Variants in CACNA1C observed in about 807,000 individuals in gnomAD.
The protein encoded by CACNA1C is calcium voltage-gated channel subunit alpha1 C.
A neutral mutation model predicts 229.0 loss-of-function variants in CACNA1C; 30 were observed. The ratio of observed to expected loss-of-function variants is 0.13; its 90% CI spans 0.10 to 0.18. CACNA1C has a LOEUF of 0.18. Among genes scored for constraint, CACNA1C ranks in the 10% least tolerant of loss-of-function variants. The pLI is 1.00. For missense variants in CACNA1C, 1,658 were observed against 2,845.0 expected, an observed-to-expected ratio of 0.58 and a Z score of 9.49; for synonymous variants, 1,114 against 1,132.5, an observed-to-expected ratio of 0.98 and a Z score of 0.33.
chr12:2,269,934 A>G (rs11614796), intron 3 of CACNA1C: 8,600 of 152,214 alleles, frequency 0.056, 304 homozygotes, highest in African/African-American at 0.091. Flanking sequence ...CAGGACCAAG[A>G]CACCAAGGTA....
At chr12:2,335,656 G>A (rs2096669720) in intron 3 of CACNA1C, among the ~76,000 whole-genome samples, 1 of 152,114 alleles carries the variant, frequency 6.6e-6, no homozygotes, top group Admixed American at 6.5e-5. Flanking sequence ...CAGAAACACT[G>A]GGTGAGGGAC....
chr12:2,229,706 G>A (rs1456051202), intron 3 of CACNA1C, among the ~76,000 whole-genome samples: 1 of 152,182 alleles, frequency 6.6e-6, no homozygotes, highest in African/African-American at 2.4e-5. Context: ...TGACATTCGA[G>A]AGGAACGCAT....
intron 3 of CACNA1C, among the ~76,000 whole-genome samples, chr12:2,387,563 A>G (rs2154547655): frequency 6.6e-6 from 1 of 152,298 alleles, no homozygotes; most frequent in Admixed American, 6.5e-5. Flanking sequence ...GAAAGAAAGC[A>G]ATGACTAATA....
chr12:2,433,881 G>A (rs535018765), intron 3 of CACNA1C, among the ~76,000 whole-genome samples: 1 of 152,250 alleles, frequency 6.6e-6, no homozygotes, highest in East Asian at 1.9e-4. Flanking sequence ...GAGACAATTT[G>A]GGGCAGTACA....
chr12:2,186,006 C>T (rs747336018), intron 3 of CACNA1C, among the ~76,000 whole-genome samples: 20 of 152,274 alleles, frequency 1.3e-4, no homozygotes, highest in Non-Finnish European at 2.5e-4. Flanking sequence ...GTTTCCTGGC[C>T]GCTCTCTGGC....
At position 2,666,607 on chromosome 12, in the gene CACNA1C, C is replaced by A. The variant is rs1034611329; in HGVS notation, c.4527-79C>A. Reference sequence around the variant, plus strand: ...TTGCCCATATGAGTGGGCCCTACCCCTCAGGCGCATGCGTCCTGGGCTGCT... The same window carrying A: ...TTGCCCATATGAGTGGGCCCTACCCATCAGGCGCATGCGTCCTGGGCTGCT... On this transcript the variant is annotated intron_variant, in intron 36 of 46. Transcript: ENST00000399655. The surrounding 1 kb of genome is among the most constrained non-coding windows in gnomAD (Gnocchi z 5.3). 2.3e-6 allele frequency: 2 copies of A among 854,470 alleles called. No homozygotes were observed. The highest frequency in any genetic ancestry group is 1.7e-5 in the African/African-American group (1 of 59,918). 52.9% of individuals were successfully genotyped at this position (854,470 alleles called of 1,614,324 possible). A position where few individuals can be genotyped will look rare whatever the true frequency, so the allele number is the denominator to read the frequency against.
chr12:2,512,139 T>G lies in CACNA1C; in HGVS notation c.1218-673T>G, dbSNP rs2099785665. Among the ~76,000 whole-genome samples, 1 of 152,122 alleles carries G rather than the reference T, an allele frequency of 6.6e-6. No individual in the cohort carries two copies. The highest frequency in any genetic ancestry group is 2.4e-5 in the African/African-American group (1 of 41,430). The stretch of plus-strand genomic sequence containing the variant: ...GACATTAAATCTCCTGGGTCCCAAA[T>G]CAGTGGTATACTGGTAAATATTTAA... On this transcript the variant is annotated intron_variant, in intron 8 of 46. Transcript: ENST00000399655. This position sits in a 1 kb window ranked among gnomAD's most constrained non-coding sequence, Gnocchi z 4.3.
intron 29 of CACNA1C, among the ~76,000 whole-genome samples, chr12:2,626,385 G>A (rs1602606205): frequency 6.6e-6 from 1 of 152,198 alleles, no homozygotes; most frequent in African/African-American, 2.4e-5. Context: ...CCTGTGGATT[G>A]GACTGGAAGG....
At chr12:2,615,216 C>T (rs535958026) in intron 29 of CACNA1C, among the ~76,000 whole-genome samples, 4 of 152,322 alleles carry the variant, frequency 2.6e-5, no homozygotes, top group South Asian at 4.1e-4. Context: ...CAGGACCAGG[C>T]TGGGCAGCAC....
At chr12:2,177,870 C>T (rs908777100) in intron 3 of CACNA1C, among the ~76,000 whole-genome samples, 6 of 152,008 alleles carry the variant, frequency 3.9e-5, no homozygotes, top group Admixed American at 3.3e-4. Context: ...CTCCTGACCT[C>T]GGGTGATCCA....
At chr12:2,472,633 T>C (rs142635022) in intron 5 of CACNA1C, among the ~76,000 whole-genome samples, 72 of 152,332 alleles carry the variant, frequency 4.7e-4, no homozygotes, top group Middle Eastern at 6.8e-3. Flanking sequence ...CACCCACATA[T>C]ATATAGCTGT....
At chr12:2,680,973 C>T (rs2097116992) in intron 42 of CACNA1C, among the ~76,000 whole-genome samples, 1 of 152,202 alleles carries the variant, frequency 6.6e-6, no homozygotes, top group Admixed American at 6.5e-5. Flanking sequence ...CTAATCTAGG[C>T]ATCTAGTCTT....
intron 7 of CACNA1C, among the ~76,000 whole-genome samples, chr12:2,499,377 A>G (rs764160254): frequency 1.3e-5 from 2 of 152,080 alleles, no homozygotes; most frequent in Non-Finnish European, 2.9e-5. Flanking sequence ...TTTTGGATCC[A>G]CAGTGCCTGT....
chr12:2,138,616 A>G lies in CACNA1C; in HGVS notation c.477+18186A>G, dbSNP rs1038048321. ...GGGGTCACTTCCACGCTTCCTGCCC[A>G]TCGGAGGAATGTTCCAGAGGTTATC... On this transcript the variant is annotated intron_variant, in intron 3 of 46. Transcript: ENST00000399655. 2.0e-5 allele frequency among the ~76,000 whole-genome samples: 3 copies of G among 151,058 alleles called. No homozygotes were observed. The East Asian group carries it at 5.8e-4, about 29-fold the overall frequency.
At chr12:2,171,802 C>T (rs1261742781) in intron 3 of CACNA1C, among the ~76,000 whole-genome samples, 1 of 152,174 alleles carries the variant, frequency 6.6e-6, no homozygotes, top group East Asian at 1.9e-4. Context: ...GGGCATGCGA[C>T]TATCTCAGAT....
chr12:2,006,630 T>A (rs2043519392), intron 1 of CACNA1C, among the ~76,000 whole-genome samples: 1 of 152,216 alleles, frequency 6.6e-6, no homozygotes. Context: ...TATGTTGCAA[T>A]ATAATCTTTG....
intron 3 of CACNA1C, among the ~76,000 whole-genome samples, chr12:2,149,104 C>T (rs2094989656): frequency 6.6e-6 from 1 of 152,126 alleles, no homozygotes; most frequent in African/African-American, 2.4e-5. Context: ...TGCAAGATGA[C>T]ATTTGGGGCT....
chr12:1,984,778 TAAAAAAAAAA>T (rs764705302), intron 1 of CACNA1C, among the ~76,000 whole-genome samples: 1 of 81,346 alleles, frequency 1.2e-5, no homozygotes, highest in Non-Finnish European at 2.3e-5. Context: ...GGTCTTCTGG[TAAAAAAAAAA>T]AAAAAAAAAA....
chr12:2,624,103 C>T (rs1259156518), intron 29 of CACNA1C, among the ~76,000 whole-genome samples: 1 of 152,320 alleles, frequency 6.6e-6, no homozygotes, highest in South Asian at 2.1e-4. Flanking sequence ...CTCCCAGGCT[C>T]ATTGGAGGAT....
Sources: gnomAD v4.1 joint callset for allele counts (sites outside exome capture counted in the v4.1 genomes callset) on GRCh38, gnomAD v4.1.1 for gene constraint, Gnocchi (gnomAD v3.1) non-coding constraint, MANE v1.5 for transcripts, NCBI Gene and HGNC (gene_info 2026-07-23, HGNC 2026-07-21) for gene names.